The following RCOR2 variants were observed in gnomAD, a reference collection of about 807,000 sequenced individuals.
RCOR2 encodes the protein REST corepressor 2.
In RCOR2, 19 loss-of-function variants were observed where a neutral mutation model predicts 58.9. The ratio of observed to expected loss-of-function variants is 0.32; its 90% CI spans 0.23 to 0.47. The LOEUF (loss-of-function observed/expected upper bound fraction) is 0.47. Ranked by LOEUF, RCOR2 falls within the 20% of genes least tolerant of loss-of-function variation. The pLI is 1.00. For synonymous variants in RCOR2, 286 were observed against 278.7 expected, an observed-to-expected ratio of 1.03 and a Z score of -0.26; for missense variants, 590 against 707.9, an observed-to-expected ratio of 0.83 and a Z score of 1.89.
Position 63,912,482 on chromosome 11 carries a change from G to A in RCOR2, c.1080C>T (p.Asn360=), listed in dbSNP as rs1205071405. ...DFGAIAEVIG[N]KTLTQVKTFF... Reference sequence around the variant, plus strand: ...AAGTCTTCACCTGGGTCAGAGTCTTGTTCCCAATCACCTCTGCAATAGCCC... The same window carrying A: ...AAGTCTTCACCTGGGTCAGAGTCTTATTCCCAATCACCTCTGCAATAGCCC... The change falls in exon 11 of 12, where the codon AAC becomes AAT. Residue 360 remains asparagine (N), a synonymous_variant. Coordinates refer to ENST00000301459, the MANE Select transcript of RCOR2 (RefSeq NM_173587.4). 6 of 1,614,000 alleles carry A rather than the reference G, an allele frequency of 3.7e-6. No individual in the cohort carries two copies. Among genetic ancestry groups the A allele is most frequent in the Non-Finnish European group, 5.1e-6 (6 of 1,179,986 alleles).
rs1034054539 is a variant in RCOR2 at position 63,915,609 on chromosome 11, T to A, written c.130A>T (p.Ser44Cys). Residue 44 changes from serine to cysteine, a missense_variant and splice_region_variant, in exon 2 of 12, where the codon AGC (serine) becomes TGC (cysteine). Transcript: ENST00000301459. The stretch of plus-strand genomic sequence containing the variant: ...TAATTGGTTCCAACGCGGATCATGC[T>A]GTCTGTGGAGCCAGGGGGAGGCAGT... ...DSSEEEHSHDSMIRVGTNYQA... is the reference protein window; with the variant it reads ...DSSEEEHSHDCMIRVGTNYQA... 11 of 1,367,204 alleles carry A rather than the reference T, an allele frequency of 8.0e-6. No homozygotes were observed. Among genetic ancestry groups the A allele is most frequent in the Non-Finnish European group, 8.7e-6 (9 of 1,035,386 alleles). 84.7% of individuals were successfully genotyped at this position (1,367,204 alleles called of 1,614,324 possible).
chr11:63,920,317 T>C (rs1941907899), upstream of RCOR2, among the ~76,000 whole-genome samples: 1 of 152,242 alleles, frequency 6.6e-6, no homozygotes, highest in South Asian at 2.1e-4. Flanking sequence ...TGAACAGGGA[T>C]GCTGGGAGGG....
chr11:63,923,880 G>T, the RCOR2 span, among the ~76,000 whole-genome samples: 1 of 152,140 alleles, frequency 6.6e-6, no homozygotes, highest in East Asian at 1.9e-4. Context: ...CATGTGCCCA[G>T]CCTGCCCCTT....
chr11:63,923,633 C>T, the RCOR2 span, among the ~76,000 whole-genome samples: 1 of 152,216 alleles, frequency 6.6e-6, no homozygotes, highest in Non-Finnish European at 1.5e-5. Flanking sequence ...TGGCTCCCTT[C>T]CTGGCTGGAC....
Position 63,912,941 on chromosome 11 carries a change from T to G in RCOR2, c.898A>C (p.Ser300Arg), listed in dbSNP as rs561320686. ...QLISLKRQVQ[S>R]MKQTNSSLRQ... Reference sequence around the variant, plus strand: ...AGGCTGCTGTTCGTCTGCTTCATGCTCTGTACCTGGGAAGGCCAGGAAGTG... The same window carrying G: ...AGGCTGCTGTTCGTCTGCTTCATGCGCTGTACCTGGGAAGGCCAGGAAGTG... Residue 300 changes from serine to arginine, a missense_variant, in exon 9 of 12, where the codon AGC becomes CGC. By Grantham distance (110) the Ser-to-Arg change is moderately radical (BLOSUM62 -1). Around this residue, in one of 3 missense-constraint regions of RCOR2, gnomAD observed 390 missense variants for 478.7 expected, o/e 0.81. Coordinates refer to ENST00000301459, the MANE Select transcript of RCOR2 (RefSeq NM_173587.4). 1.3e-5 allele frequency: 21 copies of G among 1,612,928 alleles called. No individual in the cohort carries two copies. In the South Asian group the frequency reaches 2.3e-4, roughly 18 times the overall value.
In RCOR2 at chr11:63,911,711, G is replaced by A. The variant is rs913147422; in HGVS notation, c.*154C>T. 3.2e-6 allele frequency: 4 copies of A among 1,237,254 alleles called. No homozygotes were observed. Among genetic ancestry groups the A allele is most frequent in the Admixed American group, 3.9e-5 (1 of 25,610 alleles). The allele number at this position is 1,237,254 out of a possible 1,614,324, so 76.6% of individuals were successfully genotyped here. ...GGCCCAGCTGCCAGGAACACATGCA[G>A]AACCCAAAGGGCGGGGCTGGGCTGT... On this transcript the variant is annotated 3_prime_UTR_variant, in exon 12 of 12. Transcript: ENST00000301459.
upstream of RCOR2, among the ~76,000 whole-genome samples, chr11:63,918,539 C>T (rs1382646442): frequency 6.6e-6 from 1 of 152,180 alleles, no homozygotes; most frequent in Non-Finnish European, 1.5e-5. Context: ...GGCACCAAGC[C>T]CCAGGGTGGG....
chr11:63,911,770 G>T lies in RCOR2; in HGVS notation c.*95C>A. ...CTGGTCTTACAAAGACCCCGCCAGA[G>T]CCCTAGTCCCTTCTGTCCTCAGTGA... is the stretch of plus-strand genomic sequence containing the variant. On this transcript the variant is annotated 3_prime_UTR_variant, in exon 12 of 12. Coordinates refer to ENST00000301459, the MANE Select transcript of RCOR2 (RefSeq NM_173587.4). The T allele has an allele frequency of 3.5e-6, 5 of 1,428,734 alleles. No individual in the cohort carries two copies. Among genetic ancestry groups the T allele is most frequent in the Non-Finnish European group, 4.5e-6 (5 of 1,104,430 alleles). 88.5% of individuals were successfully genotyped at this position (1,428,734 alleles called of 1,614,324 possible). A position where few individuals can be genotyped will look rare whatever the true frequency, so the allele number is the denominator to read the frequency against.
intron 5 of RCOR2, 41 bp downstream of exon 5, chr11:63,914,614 G>A (rs1941830254): frequency 6.2e-7 from 1 of 1,607,352 alleles, no homozygotes; most frequent in Non-Finnish European, 8.5e-7. Context: ...CAGAAAGGAG[G>A]GGCAGAGGAG....
chr11:63,927,528 C>T, the RCOR2 span, among the ~76,000 whole-genome samples: 1 of 152,138 alleles, frequency 6.6e-6, no homozygotes, highest in Admixed American at 6.6e-5. Flanking sequence ...CTCAGCCTCC[C>T]AAAGTTCTGG....
At chr11:63,923,103 C>G in the RCOR2 span, among the ~76,000 whole-genome samples, 1 of 152,138 alleles carries the variant, frequency 6.6e-6, no homozygotes. Context: ...CTGCTCCTTC[C>G]CCTCCCTGTA....
Position 63,912,497 on chromosome 11 carries a change from T to G in RCOR2, c.1065A>C (p.Ala355=). 1 of 1,614,018 alleles carries G rather than the reference T, an allele frequency of 6.2e-7. No homozygotes were observed. The highest frequency in any genetic ancestry group is 8.5e-7 in the Non-Finnish European group (1 of 1,180,002). ...RRYGKDFGAI[A]EVIGNKTLTQ... ...TCAGAGTCTTGTTCCCAATCACCTC[T>G]GCAATAGCCCCAAAGTCTTTGCCAT... The change falls in exon 11 of 12, where the codon GCA becomes GCC. Residue 355 remains alanine (A), a synonymous_variant. Transcript: ENST00000301459.
chr11:63,921,413 G>A (rs7948611), upstream of RCOR2, among the ~76,000 whole-genome samples: 14,486 of 152,186 alleles, frequency 0.095, 2,254 homozygotes, highest in African/African-American at 0.33. Context: ...TGGGCCATTG[G>A]AGTCATTGAG....
At chr11:63,925,071 C>T in the RCOR2 span, among the ~76,000 whole-genome samples, 1 of 151,662 alleles carries the variant, frequency 6.6e-6, no homozygotes, top group South Asian at 2.1e-4. Context: ...CAGGCTGGTC[C>T]CAAACTCCTG....
chr11:63,919,477 G>A (rs969314429), upstream of RCOR2, among the ~76,000 whole-genome samples: 8 of 152,256 alleles, frequency 5.3e-5, no homozygotes, highest in South Asian at 1.7e-3. Context: ...TCCGGGCTCC[G>A]CGGTTATCCC....
Position 63,912,014 on chromosome 11 carries a change from A to G in RCOR2, c.1423T>C (p.Phe475Leu). ...RQPPPLQQGR[F>L]LQPRLAPNQP... ...TTGGGGGCCAGCCGGGGCTGGAGGA[A>G]GCGGCCCTGCTGCAGTGGGGGTGGC... Residue 475 changes from phenylalanine to leucine, a missense_variant, in exon 12 of 12, where the codon TTC (phenylalanine) becomes CTC (leucine). Physicochemically the swap from Phe to Leu is conservative, Grantham distance 22. This residue lies in a region of RCOR2 where 196 missense variants were observed against 210.7 expected (regional missense o/e 0.93). Transcript: ENST00000301459. The G allele has an allele frequency of 6.9e-7, 1 of 1,439,116 alleles. No homozygotes were observed. Among genetic ancestry groups the G allele is most frequent in the South Asian group, 1.4e-5 (1 of 70,380 alleles). 89.1% of individuals were successfully genotyped at this position (1,439,116 alleles called of 1,614,324 possible).
chr11:63,925,598 G>A, the RCOR2 span, among the ~76,000 whole-genome samples: 6 of 151,484 alleles, frequency 4.0e-5, no homozygotes, highest in East Asian at 1.9e-4. Context: ...TGGGTGAATC[G>A]CTTGAAACTA....
At chr11:63,918,774 G>GC (rs879930673), upstream of RCOR2, among the ~76,000 whole-genome samples, 2 of 151,920 alleles carry the variant, frequency 1.3e-5, no homozygotes, top group Non-Finnish European at 2.9e-5. Context: ...CTTCCATCTT[G>GC]CCCCCGCCCC....
At chr11:63,917,460 C>T (rs997663196), upstream of RCOR2, among the ~76,000 whole-genome samples, 1 of 152,110 alleles carries the variant, frequency 6.6e-6, no homozygotes, top group Non-Finnish European at 1.5e-5. Flanking sequence ...ACACCACACA[C>T]CAGTGGGCTC....
Sources: allele counts gnomAD v4.1 joint callset (sites outside exome capture counted in the v4.1 genomes callset), GRCh38; gene constraint gnomAD v4.1.1; regional missense constraint gnomAD v4.1.1; transcripts MANE v1.5; gene names NCBI Gene and HGNC (gene_info 2026-07-23, HGNC 2026-07-21).